Variants in SBF2 observed in about 807,000 individuals in gnomAD.
The protein encoded by SBF2 is myotubularin-related protein 13.
Under a neutral mutation model 225.2 loss-of-function variants are expected in SBF2, and 112 were observed. The ratio of observed to expected loss-of-function variants is 0.50; its 90% confidence interval spans 0.43 to 0.58. The LOEUF (loss-of-function observed/expected upper bound fraction) is 0.58, where lower values mean the gene tolerates loss of function less well. Ranked by LOEUF, SBF2 falls within the 20% of genes least tolerant of loss-of-function variation. The pLI, the probability that SBF2 is intolerant of heterozygous loss-of-function variation, is 0.00. For missense variants in SBF2, 1,996 were observed against 2,206.2 expected (o/e 0.90, Z 1.91); for synonymous variants, 763 against 773.3 (o/e 0.99, Z 0.22).
At chr11:9,893,918 G>A (rs1861037333) in intron 17 of SBF2, among the ~76,000 whole-genome samples, 1 of 152,162 alleles carries the variant, frequency 6.6e-6, no homozygotes. Context: ...CCTCTTAGTA[G>A]TTAATCCCCT....
At chr11:10,246,719 T>C (rs1959830746) in intron 1 of SBF2, among the ~76,000 whole-genome samples, 1 of 152,212 alleles carries the variant, frequency 6.6e-6, no homozygotes, top group Non-Finnish European at 1.5e-5. Context: ...CTAAAATCTT[T>C]CCACAAACAA....
At chr11:9,869,940 A>G (rs996494682) in intron 17 of SBF2, among the ~76,000 whole-genome samples, 5 of 152,216 alleles carry the variant, frequency 3.3e-5, no homozygotes, top group Admixed American at 1.3e-4. Context: ...GCATGGTCCT[A>G]TATCTAGAAA....
intron 16 of SBF2, among the ~76,000 whole-genome samples, chr11:9,938,914 C>G (rs1036940886): frequency 6.6e-5 from 10 of 151,492 alleles, no homozygotes; most frequent in African/African-American, 2.2e-4. Context: ...ACAAAGTCAA[C>G]AGATAAATAA....
intron 2 of SBF2, among the ~76,000 whole-genome samples, chr11:10,080,604 C>A (rs1366625679): frequency 1.3e-5 from 2 of 151,030 alleles, no homozygotes; most frequent in Non-Finnish European, 3.0e-5. Flanking sequence ...GAAACAAAAA[C>A]CTTACATATC....
chr11:10,129,760 T>A (rs1953940809), intron 2 of SBF2, among the ~76,000 whole-genome samples: 1 of 152,082 alleles, frequency 6.6e-6, no homozygotes, highest in Admixed American at 6.5e-5. Context: ...TCGTAGCAGT[T>A]TGGGAGGCCA....
chr11:10,264,969 T>A (rs944454577), intron 1 of SBF2, among the ~76,000 whole-genome samples: 1 of 152,200 alleles, frequency 6.6e-6, no homozygotes, highest in Non-Finnish European at 1.5e-5. Flanking sequence ...ATTTTCTTTA[T>A]CCAGTCTATT....
chr11:9,896,108 T>G, intron 16 of SBF2, 97 bp from the exon 17 acceptor site: 1 of 997,672 alleles, frequency 1.0e-6, no homozygotes, highest in Admixed American at 1.7e-5. Context: ...TACTGTCCTA[T>G]GGGGTTTTTA....
At chr11:9,895,326 A>G (rs1481659249) in intron 17 of SBF2, among the ~76,000 whole-genome samples, 7 of 152,362 alleles carry the variant, frequency 4.6e-5, no homozygotes, top group Admixed American at 3.3e-4. Flanking sequence ...TATTAAATGC[A>G]TTGTTCTGAG....
chr11:10,216,465 T>C (rs1297959236), intron 1 of SBF2, among the ~76,000 whole-genome samples: 2 of 152,258 alleles, frequency 1.3e-5, no homozygotes, highest in Non-Finnish European at 2.9e-5. Flanking sequence ...CTAATGTAAC[T>C]AGTTTTCCCA....
intron 2 of SBF2, among the ~76,000 whole-genome samples, chr11:10,165,796 T>C (rs1955923101): frequency 6.6e-6 from 1 of 152,212 alleles, no homozygotes; most frequent in African/African-American, 2.4e-5. Context: ...CCATACATAT[T>C]AGGACCTTCA....
At chr11:10,068,238 T>G (rs1373357662) in intron 2 of SBF2, among the ~76,000 whole-genome samples, 3 of 152,204 alleles carry the variant, frequency 2.0e-5, no homozygotes, top group African/African-American at 7.2e-5. Context: ...CTTAAGTGAT[T>G]TTTTAAAATA....
At position 9,793,575 on chromosome 11, in the gene SBF2, A is replaced by T. The variant is rs188391920; in HGVS notation, c.4570+2256T>A. Reference sequence around the variant, plus strand: ...TGGCTAATGTTTGTATTTTTAGTAGAGATGGGGTTTCGCCGTGTTGGCCAG... The same window carrying T: ...TGGCTAATGTTTGTATTTTTAGTAGTGATGGGGTTTCGCCGTGTTGGCCAG... On this transcript the variant is annotated intron_variant, in intron 33 of 39. Transcript: ENST00000256190. 3.8e-4 allele frequency among the ~76,000 whole-genome samples: 58 copies of T among 152,208 alleles called. 1 individual carries two copies. Among genetic ancestry groups the T allele is most frequent in the African/African-American group, 1.3e-3 (52 of 41,520 alleles).
intron 12 of SBF2, among the ~76,000 whole-genome samples, chr11:9,991,151 A>G (rs942809747): frequency 3.3e-5 from 5 of 152,238 alleles, no homozygotes; most frequent in African/African-American, 1.2e-4. Flanking sequence ...TACAGAATCT[A>G]AAGGCTGATA....
At chr11:10,153,575 A>T (rs757365722) in intron 2 of SBF2, among the ~76,000 whole-genome samples, 1 of 152,172 alleles carries the variant, frequency 6.6e-6, no homozygotes, top group Non-Finnish European at 1.5e-5. Flanking sequence ...AGAAAGGAAT[A>T]AAGGTCTCCA....
intron 16 of SBF2, among the ~76,000 whole-genome samples, chr11:9,912,253 A>G (rs1299160301): frequency 7.0e-6 from 1 of 143,582 alleles, no homozygotes. Flanking sequence ...CGGAGGTTGC[A>G]GTGAGCCGAG....
chr11:10,287,468 G>A (rs920353812), intron 1 of SBF2, among the ~76,000 whole-genome samples: 1 of 151,850 alleles, frequency 6.6e-6, no homozygotes, highest in African/African-American at 2.4e-5. Flanking sequence ...TCAAAGATGG[G>A]GCTCACCATG....
chr11:10,053,574 C>G (rs1231280480), intron 2 of SBF2, among the ~76,000 whole-genome samples: 1 of 152,034 alleles, frequency 6.6e-6, no homozygotes, highest in Non-Finnish European at 1.5e-5. Flanking sequence ...GTGCTCTGAA[C>G]ATTATATAGA....
At chr11:10,069,868 G>C (rs1950793933) in intron 2 of SBF2, among the ~76,000 whole-genome samples, 1 of 152,182 alleles carries the variant, frequency 6.6e-6, no homozygotes, top group Non-Finnish European at 1.5e-5. Context: ...GGTGTGAGAT[G>C]GTATCTCATT....
At chr11:10,159,890 A>C (rs1264067936) in intron 2 of SBF2, among the ~76,000 whole-genome samples, 1 of 144,756 alleles carries the variant, frequency 6.9e-6, no homozygotes, top group Non-Finnish European at 1.5e-5. Context: ...ACTCCGTCTC[A>C]AAAAAAAAAA....
Sources: gnomAD v4.1 joint callset for allele counts (sites outside exome capture counted in the v4.1 genomes callset) on GRCh38, gnomAD v4.1.1 for gene constraint, MANE v1.5 for transcripts, NCBI Gene and HGNC (gene_info 2026-07-23, HGNC 2026-07-21) for gene names.